Variants in METTL5 observed in about 807,000 individuals in gnomAD.
METTL5 encodes rRNA N(6)-adenosine-methyltransferase METTL5.
METTL5 carries 28 observed loss-of-function variants against 26.5 expected under a neutral mutation model. The observed-to-expected ratio is 1.06, with a 90% CI of 0.78 to 1.45. The LOEUF is 1.45. METTL5 is among the 40% of genes most tolerant of loss of function. The probability of loss-of-function intolerance (pLI) is 0.00; values close to 1 mark genes in which losing one functional copy is unlikely to be tolerated. For synonymous variants in METTL5, 86 were observed against 82.6 expected (o/e 1.04, Z -0.22); for missense variants, 231 against 249.9 (o/e 0.92, Z 0.51).
chr2:169,822,609 T>C (rs1205991423), intron 1 of METTL5, among the ~76,000 whole-genome samples: 7 of 152,120 alleles, frequency 4.6e-5, no homozygotes, highest in African/African-American at 1.7e-4. Context: ...TTTTCTTTTT[T>C]TTTTAAACAC....
chr2:169,824,139 C>T (rs1162747170), intron 1 of METTL5: 7 of 199,056 alleles, frequency 3.5e-5, no homozygotes, highest in Non-Finnish European at 6.2e-5. Context: ...TTACTGAGCT[C>T]CTAAATAGTA....
At chr2:169,822,294 A>C (rs996241214) in intron 1 of METTL5, among the ~76,000 whole-genome samples, 2 of 144,006 alleles carry the variant, frequency 1.4e-5, no homozygotes, top group Non-Finnish European at 3.1e-5. Context: ...TAGCAATGCC[A>C]AGAATGACAA....
intron 4 of METTL5, 117 bp from the exon 5 acceptor site, chr2:169,815,645 C>T: frequency 6.0e-6 from 4 of 667,200 alleles, no homozygotes; most frequent in Non-Finnish European, 9.7e-6. Flanking sequence ...AGAATCTAGA[C>T]CCTTATAAAA....
chr2:169,822,492 C>G (rs1217771444), intron 1 of METTL5, among the ~76,000 whole-genome samples: 1 of 152,180 alleles, frequency 6.6e-6, no homozygotes, highest in African/African-American at 2.4e-5. Flanking sequence ...TTTGGCAACT[C>G]TATCAATTTC....
intron 3 of METTL5, among the ~76,000 whole-genome samples, chr2:169,820,792 A>C (rs1231474723): frequency 3.9e-5 from 6 of 152,124 alleles, no homozygotes; most frequent in Non-Finnish European, 7.3e-5. Context: ...GGCTCATCGC[A>C]GCCCCGAATA....
At position 169,822,002 on chromosome 2, in the gene METTL5, A is replaced by C. The variant is rs1212282093; in HGVS notation, c.165T>G (p.Val55=). ...CTCCACAACCACATCCTAGATCTGC[A>C]ACGACTTTATTTTCAATGTCATCAT... The part of the protein sequence containing the change: ...NTYDDIENKV[V]ADLGCGCGVL... Residue 55 remains valine (V), a synonymous_variant, in exon 2 of 7, where the codon GTT becomes GTG. Coordinates refer to ENST00000260953, the MANE Select transcript of METTL5 (RefSeq NM_014168.4). The C allele has an allele frequency of 6.2e-7, 1 of 1,613,622 alleles. No individual in the cohort carries two copies.
chr2:169,820,908 T>TGTGG (rs2081574886), intron 3 of METTL5, among the ~76,000 whole-genome samples, 184 bp downstream of exon 3: 1 of 151,614 alleles, frequency 6.6e-6, no homozygotes, highest in Admixed American at 6.6e-5. Flanking sequence ...TGTGTGTGTG[T>TGTGG]GGGTAGAGGC....
chr2:169,818,715 C>G (rs148895364), intron 4 of METTL5, among the ~76,000 whole-genome samples: 2 of 152,264 alleles, frequency 1.3e-5, no homozygotes, highest in East Asian at 3.9e-4. Flanking sequence ...ATTTTTCCTA[C>G]AAAAGCACTT....
chr2:169,820,958 G>T, intron 3 of METTL5, 134 bp downstream of exon 3: 1 of 646,920 alleles, frequency 1.5e-6, no homozygotes. Context: ...ACCAATTCCT[G>T]GCCCCAAATG....
chr2:169,817,866 T>C (rs2081531246), intron 4 of METTL5, among the ~76,000 whole-genome samples: 1 of 152,114 alleles, frequency 6.6e-6, no homozygotes, highest in African/African-American at 2.4e-5. Context: ...TCTACGTATG[T>C]AACCTGCATG....
At chr2:169,818,524 T>C (rs2081540915) in intron 4 of METTL5, among the ~76,000 whole-genome samples, 1 of 152,194 alleles carries the variant, frequency 6.6e-6, no homozygotes, top group South Asian at 2.1e-4. Context: ...TGAGTGAGGA[T>C]TTATTTACTA....
At chr2:169,815,359 T>C in intron 5 of METTL5, 118 bp downstream of exon 5, 1 of 667,334 alleles carries the variant, frequency 1.5e-6, no homozygotes, top group South Asian at 2.0e-5. Flanking sequence ...CTATTACCAA[T>C]CATGCACATT....
At chr2:169,812,238 T>C in intron 6 of METTL5, 1 of 686,126 alleles carries the variant, frequency 1.5e-6, no homozygotes, top group Admixed American at 3.2e-5. Context: ...TCACAAAGCT[T>C]TCCTTTTTTT....
At position 169,819,583 on chromosome 2, in the gene METTL5, A is replaced by G. The variant is rs1457627979; in HGVS notation, c.467T>C (p.Leu156Ser). Residue 156 changes from leucine (L) to serine (S), a missense_variant, in exon 4 of 7, where the codon TTA becomes TCA. Physicochemically the swap from Leu to Ser is moderately radical, Grantham distance 145 (BLOSUM62 -2). Coordinates refer to ENST00000260953, the MANE Select transcript of METTL5 (RefSeq NM_014168.4). ...LEMARTAVYSLHKSSTREHVQ... is the reference protein window; with the variant it reads ...LEMARTAVYSSHKSSTREHVQ... ...TACTTCTCTAGTTGAGGATTTGTGT[A>G]AGGAATATACTGCTGTTCTTGCCAT... The G allele has an allele frequency of 6.2e-7, 1 of 1,612,412 alleles. No individual in the cohort carries two copies. Among genetic ancestry groups the G allele is most frequent in the South Asian group, 1.1e-5 (1 of 90,994 alleles).
chr2:169,815,190 G>T (rs145972113), intron 5 of METTL5, among the ~76,000 whole-genome samples: 10 of 152,288 alleles, frequency 6.6e-5, no homozygotes, highest in Non-Finnish European at 1.0e-4. Context: ...ACCACACCTG[G>T]CCCCCAGCCC....
intron 5 of METTL5, among the ~76,000 whole-genome samples, chr2:169,814,500 T>TAAAAAAAAAAAAAAAAA (rs1690083493): frequency 1.4e-5 from 1 of 73,066 alleles, no homozygotes. Context: ...AAAATGAAAT[T>TAAAAAAAAAAAAAAAAA]AGATTATCTA....
intron 5 of METTL5, among the ~76,000 whole-genome samples, chr2:169,813,992 TTTA>T (rs931237938): frequency 5.9e-5 from 9 of 152,280 alleles, no homozygotes; most frequent in African/African-American, 1.4e-4. Flanking sequence ...TCATTGTTAG[TTTA>T]TTATTGTGAA....
chr2:169,812,577 C>T, intron 5 of METTL5, 71 bp from the exon 6 acceptor site: 1 of 1,510,900 alleles, frequency 6.6e-7, no homozygotes. Context: ...TAAACAACAA[C>T]AACAACAAAA....
chr2:169,814,498 A>G (rs1218344062), intron 5 of METTL5, among the ~76,000 whole-genome samples: 1 of 150,558 alleles, frequency 6.6e-6, no homozygotes, highest in African/African-American at 2.4e-5. Context: ...AGAAAATGAA[A>G]TTAGATTATC....
Sources: allele counts gnomAD v4.1 joint callset (sites outside exome capture counted in the v4.1 genomes callset), GRCh38; gene constraint gnomAD v4.1.1; transcripts MANE v1.5; gene names NCBI Gene and HGNC (gene_info 2026-07-23, HGNC 2026-07-21).